The following DHODH variants were observed in gnomAD, a reference collection of about 807,000 sequenced individuals.
The protein encoded by DHODH is dihydroorotate dehydrogenase (quinone), mitochondrial.
In DHODH, 30 loss-of-function variants were observed where a neutral mutation model predicts 39.7. The observed-to-expected ratio is 0.76, with a 90% confidence interval of 0.57 to 1.02. The LOEUF is 1.02. DHODH is among the 50% of genes least tolerant of loss of function. DHODH has a pLI of 0.00. For missense variants in DHODH, 531 were observed against 520.8 expected (o/e 1.02, Z -0.19); for synonymous variants, 222 against 213.8 (o/e 1.04, Z -0.34).
At chr16:72,021,350 G>T (rs1172645181) in intron 5 of DHODH, 39 bp downstream of exon 5, 18 of 1,563,174 alleles carry the variant, frequency 1.2e-5, no homozygotes, top group Non-Finnish European at 1.6e-5. Context: ...TGTCCCACCA[G>T]CCTGTCCCAC....
rs540520522 is a variant in DHODH, at chr16:72,008,792, C to T, written c.21+7C>T. On this transcript the variant is annotated splice_region_variant and intron_variant, in intron 1 of 8. Coordinates refer to ENST00000219240, the MANE Select transcript of DHODH (RefSeq NM_001361.5). ...GGCGTGGAGACACCTGAAAGTGAGT[C>T]CCGCGAGTGAGCAGTGTGGATGGGG... The T allele has an allele frequency of 1.2e-5, 19 of 1,552,074 alleles. 1 individual carries two copies. In the South Asian group the frequency reaches 1.9e-4, roughly 16 times the overall value.
chr16:72,021,401 C>G, intron 5 of DHODH, 90 bp downstream of exon 5: 1 of 1,403,212 alleles, frequency 7.1e-7, no homozygotes, highest in South Asian at 1.2e-5. Flanking sequence ...TCAGCATCAC[C>G]CTCAGAAGCT....
At chr16:72,022,196 C>G (rs1288416120) in intron 5 of DHODH, among the ~76,000 whole-genome samples, 166 bp from the exon 6 acceptor site, 1 of 152,070 alleles carries the variant, frequency 6.6e-6, no homozygotes, top group Non-Finnish European at 1.5e-5. Flanking sequence ...TCGGATCCAT[C>G]TCGACTGTAC....
At chr16:72,017,154 A>C in intron 4 of DHODH, 48 bp downstream of exon 4, 1 of 1,569,754 alleles carries the variant, frequency 6.4e-7, no homozygotes, top group African/African-American at 1.3e-5. Context: ...TTAGGAGGAA[A>C]CGTGGGAGAA....
intron 2 of DHODH, among the ~76,000 whole-genome samples, chr16:72,013,989 C>G (rs139233323): frequency 2.5e-4 from 38 of 152,268 alleles, no homozygotes; most frequent in Middle Eastern, 3.4e-3. Flanking sequence ...TTCTTGCCAG[C>G]CCGGATGAGG....
At chr16:72,023,064 G>GT in intron 6 of DHODH, 101 bp from the exon 7 acceptor site, 1 of 1,168,544 alleles carries the variant, frequency 8.6e-7, no homozygotes, top group Non-Finnish European at 1.3e-6. Flanking sequence ...GGGGCTGTAG[G>GT]TGTGGGTACC....
At chr16:72,011,351 T>C (rs530297205) in intron 1 of DHODH, among the ~76,000 whole-genome samples, 5 of 152,324 alleles carry the variant, frequency 3.3e-5, no homozygotes, top group African/African-American at 1.2e-4. Flanking sequence ...GTGAAAACCA[T>C]GTAGAGGCTG....
rs12930205 is a variant in DHODH at position 72,027,059 on chromosome 16, C to T, written c.*2860C>T. 83,063 of 147,372 alleles carry T rather than the reference C, an allele frequency of 0.56. 23,749 individuals carry two copies. Among genetic ancestry groups the T allele is most frequent in the South Asian group, 0.68 (3,165 of 4,658 alleles). 9.1% of individuals were successfully genotyped at this position (147,372 alleles called of 1,614,324 possible). A position where few individuals can be genotyped will look rare whatever the true frequency, so the allele number is the denominator to read the frequency against. The stretch of plus-strand genomic sequence containing the variant: ...TCACCCCGGCTGGAGTGCAGTGGTG[C>T]GATCTCAGCTCACTGCAAGCTCCGC... On this transcript the variant is annotated 3_prime_UTR_variant, in exon 9 of 9. Coordinates refer to ENST00000219240, the MANE Select transcript of DHODH (RefSeq NM_001361.5).
chr16:72,023,080 C>T (rs1037787598), intron 6 of DHODH, 85 bp from the exon 7 acceptor site: 27 of 1,452,790 alleles, frequency 1.9e-5, no homozygotes, highest in East Asian at 1.4e-4. Flanking sequence ...GTACCTGGCC[C>T]GGCTGCTGCC....
At chr16:72,022,073 G>A (rs1169160319) in intron 5 of DHODH, among the ~76,000 whole-genome samples, 2 of 142,552 alleles carry the variant, frequency 1.4e-5, no homozygotes, top group African/African-American at 5.4e-5. Context: ...CAGTGTGGGT[G>A]ACAGAGTGCG....
At chr16:72,015,723 A>C in intron 3 of DHODH, 1 of 985,400 alleles carries the variant, frequency 1.0e-6, no homozygotes. Context: ...GGCAAAATAT[A>C]TTTGCTTAAC....
chr16:72,010,900 A>G (rs139847764), intron 1 of DHODH, among the ~76,000 whole-genome samples: 287 of 151,930 alleles, frequency 1.9e-3, no homozygotes, highest in Admixed American at 3.5e-3. Context: ...CTAATTTTTT[A>G]TATTTTGTAG....
rs1216849672 is a variant in DHODH, at chr16:72,025,583, T to G, written c.*1384T>G. 1 of 152,374 alleles carries G rather than the reference T, an allele frequency of 6.6e-6. No individual in the cohort carries two copies. The highest frequency in any genetic ancestry group is 2.4e-5 in the African/African-American group (1 of 41,450). 9.4% of individuals were successfully genotyped at this position (152,374 alleles called of 1,614,324 possible). Reference sequence around the variant, plus strand: ...CTTGTGAATGTGCCTGTGCCTTCGTTCTGGTGTCGGTGCAGAGCAGGGTCC... The same window carrying G: ...CTTGTGAATGTGCCTGTGCCTTCGTGCTGGTGTCGGTGCAGAGCAGGGTCC... On this transcript the variant is annotated 3_prime_UTR_variant, in exon 9 of 9. Coordinates refer to ENST00000219240, the MANE Select transcript of DHODH (RefSeq NM_001361.5).
At chr16:72,011,978 TG>T in intron 1 of DHODH, 71 bp from the exon 2 acceptor site, 2 of 1,260,394 alleles carry the variant, frequency 1.6e-6, no homozygotes, top group Non-Finnish European at 2.3e-6. Context: ...TCTGTGTACC[TG>T]GGTGTGAAGG....
chr16:72,027,009 G>GTTTT lies in DHODH; in HGVS notation c.*2812_*2815dup, dbSNP rs1230140169. The stretch of plus-strand genomic sequence containing the variant: ...TGTGTGTGTGTGTGTGTGTGTGTGT[G>GTTTT]TTTTTGAGATGGAGTCCTGCTCTGT... On this transcript the variant is annotated 3_prime_UTR_variant, in exon 9 of 9. Transcript: ENST00000219240. The GTTTT allele has an allele frequency of 8.6e-5, 6 of 69,680 alleles. No homozygotes were observed. The highest frequency in any genetic ancestry group is 9.4e-3 in the Middle Eastern group (1 of 106). The allele number at this position is 69,680 out of a possible 1,614,324, so 4.3% of individuals were successfully genotyped here.
chr16:72,025,095 T>C lies in DHODH; in HGVS notation c.*896T>C, dbSNP rs1318369130. 6.6e-6 allele frequency: 1 copy of C among 152,286 alleles called. No homozygotes were observed. Among genetic ancestry groups the C allele is most frequent in the African/African-American group, 2.4e-5 (1 of 41,466 alleles). The allele number at this position is 152,286 out of a possible 1,614,324, so 9.4% of individuals were successfully genotyped here. On this transcript the variant is annotated 3_prime_UTR_variant, in exon 9 of 9. Transcript: ENST00000219240. ...GGTGCCTTATTCTTCAGTGTTTCAG[T>C]CTGTATCTCCTAAGCATCCTGATGT...
chr16:72,024,479 GA>G lies in DHODH; in HGVS notation c.*286del, dbSNP rs1235934670. 1 of 504,858 alleles carries G rather than the reference GA, an allele frequency of 2.0e-6. No individual in the cohort carries two copies. The allele number at this position is 504,858 out of a possible 1,614,324, so 31.3% of individuals were successfully genotyped here. A position where few individuals can be genotyped will look rare whatever the true frequency, so the allele number is the denominator to read the frequency against. ...TGAATATTAGGAGGAAAAAGTCATG[GA>G]AAAAATAAAGCCATTTAGAACCTGG... On this transcript the variant is annotated 3_prime_UTR_variant, in exon 9 of 9. Coordinates refer to ENST00000219240, the MANE Select transcript of DHODH (RefSeq NM_001361.5).
intron 8 of DHODH, 111 bp from the exon 9 acceptor site, chr16:72,024,034 C>T: frequency 8.9e-7 from 1 of 1,117,752 alleles, no homozygotes; most frequent in Non-Finnish European, 1.4e-6. Context: ...TAGAGGAAAC[C>T]AGATGTGCCT....
chr16:72,013,658 C>T (rs1449483869), intron 2 of DHODH: 1 of 152,260 alleles, frequency 6.6e-6, no homozygotes, highest in African/African-American at 2.4e-5. Context: ...GTTTCACCGC[C>T]ACATCTGAGA....
Sources: gnomAD v4.1 joint callset for allele counts (sites outside exome capture counted in the v4.1 genomes callset) on GRCh38, gnomAD v4.1.1 for gene constraint, MANE v1.5 for transcripts, NCBI Gene and HGNC (gene_info 2026-07-23, HGNC 2026-07-21) for gene names.